The following ERMAP variants were observed in gnomAD, a reference collection of about 807,000 sequenced individuals.
ERMAP encodes the protein erythroid membrane-associated protein.
Under a neutral mutation model 49.5 loss-of-function variants are expected in ERMAP, and 34 were observed. The observed-to-expected ratio is 0.69, with a 90% CI of 0.52 to 0.91. The LOEUF (loss-of-function observed/expected upper bound fraction) is 0.91, where lower values mean the gene tolerates loss of function less well. ERMAP is among the 40% of genes least tolerant of loss of function. The pLI, the probability that ERMAP is intolerant of heterozygous loss-of-function variation, is 0.00. For missense variants in ERMAP, 541 were observed against 582.6 expected (o/e 0.93, Z 0.74); for synonymous variants, 214 against 232.2 (o/e 0.92, Z 0.71).
intron 2 of ERMAP, among the ~76,000 whole-genome samples, chr1:42,826,256 A>C (rs1367676250): frequency 3.9e-5 from 6 of 152,274 alleles, no homozygotes. Context: ...ATAAACGAGC[A>C]AATTACATAG....
chr1:42,820,028 C>T (rs879690304), intron 1 of ERMAP, among the ~76,000 whole-genome samples: 2 of 152,118 alleles, frequency 1.3e-5, no homozygotes, highest in African/African-American at 2.4e-5. Context: ...TTTTTGAGTC[C>T]TTGCTTGTCT....
intron 4 of ERMAP, among the ~76,000 whole-genome samples, chr1:42,833,559 T>C (rs747148476): frequency 2.8e-4 from 42 of 152,204 alleles, no homozygotes; most frequent in Non-Finnish European, 5.6e-4. Context: ...AAAGCCCTGT[T>C]TCTGGGCATC....
chr1:42,823,110 C>T (rs1029639265), intron 1 of ERMAP, among the ~76,000 whole-genome samples: 2 of 152,118 alleles, frequency 1.3e-5, no homozygotes, highest in Admixed American at 6.5e-5. Context: ...TTCAGATAAT[C>T]GTGGATATTC....
chr1:42,838,239 C>T (rs1654958271), intron 7 of ERMAP, among the ~76,000 whole-genome samples: 3 of 152,162 alleles, frequency 2.0e-5, no homozygotes, highest in African/African-American at 4.8e-5. Flanking sequence ...GGAGCCGTGT[C>T]GTATTCGGCT....
Position 42,832,179 on chromosome 1 carries a change from ATT to A in ERMAP, c.433+1092_433+1093del, listed in dbSNP as rs75673269. Among the ~76,000 whole-genome samples, 724 of 96,614 alleles carry A rather than the reference ATT, an allele frequency of 7.5e-3. 2 individuals carry two copies. Among genetic ancestry groups the A allele is most frequent in the African/African-American group, 0.033 (679 of 20,856 alleles). 63.4% of individuals were successfully genotyped at this position (96,614 alleles called of 152,430 possible). A position where few individuals can be genotyped will look rare whatever the true frequency, so the allele number is the denominator to read the frequency against. On this transcript the variant is annotated intron_variant, in intron 4 of 11. Coordinates refer to ENST00000372517, the MANE Select transcript of ERMAP (RefSeq NM_001017922.2). ...TTGGAGTCCTTTGGGGTGAAAATTA[ATT>A]TTTTTTTTTTTTTTTTTTTTTTTTT...
chr1:42,827,787 T>G (rs1465543150), intron 2 of ERMAP, among the ~76,000 whole-genome samples: 1 of 152,180 alleles, frequency 6.6e-6, no homozygotes, highest in East Asian at 1.9e-4. Flanking sequence ...CAGGGCTATA[T>G]AGGCATGCAT....
At chr1:42,823,973 G>A (rs1654466900) in intron 1 of ERMAP, among the ~76,000 whole-genome samples, 1 of 152,208 alleles carries the variant, frequency 6.6e-6, no homozygotes, top group Admixed American at 6.5e-5. Context: ...GACTTCAAGT[G>A]TTTGTGGACC....
intron 1 of ERMAP, chr1:42,824,536 G>C (rs1654488638): frequency 6.6e-6 from 1 of 152,160 alleles, no homozygotes; most frequent in African/African-American, 2.4e-5. Flanking sequence ...GTCTTAATTT[G>C]TACACCCCCA....
chr1:42,829,096 T>A lies in ERMAP; in HGVS notation c.-5-1348T>A, dbSNP rs576157517. Among the ~76,000 whole-genome samples, 11 of 152,302 alleles carry A rather than the reference T, an allele frequency of 7.2e-5. No homozygotes were observed. In the East Asian group the frequency reaches 1.5e-3, roughly 21 times the overall value. ...CAGTTTTTGAGTAGCTAGTAACCTATAGGAAAGTGGGTGGGACAGTCACAA... is the reference window on the plus strand; with the variant it reads ...CAGTTTTTGAGTAGCTAGTAACCTAAAGGAAAGTGGGTGGGACAGTCACAA... On this transcript the variant is annotated intron_variant, in intron 2 of 11. Transcript: ENST00000372517.
intron 6 of ERMAP, 124 bp from the exon 7 acceptor site, chr1:42,837,034 C>G (rs532208373): frequency 2.2e-6 from 2 of 923,778 alleles, no homozygotes; most frequent in Admixed American, 2.2e-5. Context: ...GATTAGAGAC[C>G]GGATCAGGGA....
At chr1:42,838,235 G>A (rs949366805) in intron 7 of ERMAP, among the ~76,000 whole-genome samples, 2 of 152,208 alleles carry the variant, frequency 1.3e-5, no homozygotes, top group African/African-American at 4.8e-5. Flanking sequence ...CTTAGGAGCC[G>A]TGTCGTATTC....
rs1247197195 is a variant in ERMAP at position 42,844,126 on chromosome 1, A to T, written c.*894A>T. 1.3e-5 allele frequency: 5 copies of T among 398,542 alleles called. No individual in the cohort carries two copies. The highest frequency in any genetic ancestry group is 1.8e-5 in the Non-Finnish European group (4 of 226,088). 24.7% of individuals were successfully genotyped at this position (398,542 alleles called of 1,614,324 possible). A position where few individuals can be genotyped will look rare whatever the true frequency, so the allele number is the denominator to read the frequency against. On this transcript the variant is annotated 3_prime_UTR_variant, in exon 12 of 12. Coordinates refer to ENST00000372517, the MANE Select transcript of ERMAP (RefSeq NM_001017922.2). This position sits in a 1 kb window ranked among gnomAD's most constrained non-coding sequence, Gnocchi z 4.0. ...AAGTGGCAGTTTTAACCACCAACGT[A>T]GAAGCTTTTTTTTCCCCACAAGACC... is the stretch of plus-strand genomic sequence containing the variant.
intron 2 of ERMAP, among the ~76,000 whole-genome samples, chr1:42,826,349 A>AG (rs1249292426): frequency 6.6e-6 from 1 of 152,052 alleles, no homozygotes; most frequent in Non-Finnish European, 1.5e-5. Context: ...ACAAAAAAAA[A>AG]GGGATGGCAT....
chr1:42,835,103 C>A lies in ERMAP; in HGVS notation c.499C>A (p.Leu167Ile). ...GGCTGTGATCCTGCCTGTCCTGGTACTTCTCATCATGGTGTGCCTTTGCCT... is the reference window on the plus strand; with the variant it reads ...GGCTGTGATCCTGCCTGTCCTGGTAATTCTCATCATGGTGTGCCTTTGCCT... The part of the protein sequence containing the change: ...ALAVILPVLV[L>I]LIMVCLCLIW... The change falls in exon 5 of 12, where the codon CTT becomes ATT. Residue 167 changes from leucine (L) to isoleucine (I), a missense_variant. Leu to Ile is a conservative substitution (Grantham distance 5, BLOSUM62 2). Coordinates refer to ENST00000372517, the MANE Select transcript of ERMAP (RefSeq NM_001017922.2). 6.3e-7 allele frequency: 1 copy of A among 1,585,310 alleles called. No homozygotes were observed. Among genetic ancestry groups the A allele is most frequent in the Non-Finnish European group, 8.7e-7 (1 of 1,153,640 alleles).
rs973077085 is a variant in ERMAP, at chr1:42,825,605, C to T, written c.-121-18C>T. 1.4e-5 allele frequency: 18 copies of T among 1,279,418 alleles called. No individual in the cohort carries two copies. Among genetic ancestry groups the T allele is most frequent in the Admixed American group, 2.4e-5 (1 of 41,524 alleles). 79.3% of individuals were successfully genotyped at this position (1,279,418 alleles called of 1,614,324 possible). ...CATATTTCATAAAATATGAACTTTT[C>T]CCGGCCCACATCCCTAGGCCTTCCT... On this transcript the variant is annotated intron_variant, in intron 1 of 11. Transcript: ENST00000372517.
chr1:42,837,280 T>A, intron 7 of ERMAP, 90 bp downstream of exon 7: 1 of 1,380,604 alleles, frequency 7.2e-7, no homozygotes, highest in Non-Finnish European at 1.0e-6. Context: ...TATAAGTCTA[T>A]TTTTATAATA....
intron 1 of ERMAP, 26 bp from the exon 2 acceptor site, chr1:42,825,597 G>A: frequency 7.8e-7 from 1 of 1,276,676 alleles, no homozygotes; most frequent in Non-Finnish European, 1.0e-6. Context: ...CATAAAATAT[G>A]AACTTTTCCC....
chr1:42,835,806 G>A (rs758311333), intron 6 of ERMAP, 42 bp downstream of exon 6: 8 of 1,589,144 alleles, frequency 5.0e-6, no homozygotes, highest in African/African-American at 1.4e-5. Context: ...TGTTTCTTTT[G>A]TTGTTAATTT....
intron 4 of ERMAP, chr1:42,834,564 T>C: frequency 3.4e-6 from 1 of 291,626 alleles, no homozygotes; most frequent in Non-Finnish European, 6.7e-6. Flanking sequence ...TGTTTGTTTG[T>C]TTGTTTTTGA....
Sources: gnomAD v4.1 joint callset for allele counts (sites outside exome capture counted in the v4.1 genomes callset) on GRCh38, gnomAD v4.1.1 for gene constraint, Gnocchi (gnomAD v3.1) non-coding constraint, MANE v1.5 for transcripts, NCBI Gene and HGNC (gene_info 2026-07-23, HGNC 2026-07-21) for gene names.